The following NFATC1 variants were observed in gnomAD, a reference collection of about 807,000 sequenced individuals.
NFATC1 encodes nuclear factor of activated T-cells, cytoplasmic 1.
A neutral mutation model predicts 76.0 loss-of-function variants in NFATC1; 22 were observed. That is an observed-to-expected ratio of 0.29 (90% CI 0.21 to 0.41). NFATC1 has a LOEUF of 0.41. NFATC1 is among the 10% of genes least tolerant of loss of function. The probability of loss-of-function intolerance (pLI) is 1.00; values close to 1 mark genes in which losing one functional copy is unlikely to be tolerated. For missense variants in NFATC1, 1,357 were observed against 1,337.7 expected (o/e 1.01, Z -0.23); for synonymous variants, 704 against 613.1 (o/e 1.15, Z -2.19).
intron 7 of NFATC1, among the ~76,000 whole-genome samples, chr18:79,464,741 T>C (rs1384081943): frequency 6.8e-6 from 1 of 147,302 alleles, no homozygotes; most frequent in Non-Finnish European, 1.5e-5. Context: ...GGTCTTGCTG[T>C]GTCATCCAGG....
chr18:79,431,153 G>A (rs1469561922), intron 2 of NFATC1, among the ~76,000 whole-genome samples: 1 of 152,240 alleles, frequency 6.6e-6, no homozygotes, highest in Non-Finnish European at 1.5e-5. Flanking sequence ...GGTGGGTGGT[G>A]AGCCTGCCAG....
intron 8 of NFATC1, among the ~76,000 whole-genome samples, chr18:79,472,659 A>C: frequency 1.3e-5 from 2 of 149,536 alleles, no homozygotes. Flanking sequence ...CACCCCACAC[A>C]CTTGGAGACA....
At chr18:79,504,359 C>T (rs1156387011) in intron 9 of NFATC1, among the ~76,000 whole-genome samples, 1 of 152,146 alleles carries the variant, frequency 6.6e-6, no homozygotes, top group South Asian at 2.1e-4. Context: ...GGCCTAATGT[C>T]AGTATGGTTG....
At chr18:79,463,286 C>T (rs892949006) in intron 7 of NFATC1, among the ~76,000 whole-genome samples, 1 of 152,222 alleles carries the variant, frequency 6.6e-6, no homozygotes, top group African/African-American at 2.4e-5. Context: ...AAGCTGGAGG[C>T]CCCAGGGCAG....
chr18:79,403,389 G>T (rs2085330876), intron 1 of NFATC1, among the ~76,000 whole-genome samples: 1 of 152,258 alleles, frequency 6.6e-6, no homozygotes, highest in South Asian at 2.1e-4. Context: ...TGGGCTTCCA[G>T]GGTCTGGCTT....
intron 8 of NFATC1, among the ~76,000 whole-genome samples, chr18:79,472,585 T>C (rs2088830775): frequency 6.6e-6 from 1 of 152,198 alleles, no homozygotes. Flanking sequence ...TTCGCTGCCA[T>C]TGGCCAAAAG....
intron 1 of NFATC1, among the ~76,000 whole-genome samples, chr18:79,399,222 A>T (rs1372184233): frequency 6.6e-6 from 1 of 152,238 alleles, no homozygotes; most frequent in East Asian, 1.9e-4. Flanking sequence ...ATTATTAGAA[A>T]CTAAATCAGG....
chr18:79,436,709 A>AAG (rs1366676439), intron 3 of NFATC1, among the ~76,000 whole-genome samples: 1 of 152,014 alleles, frequency 6.6e-6, no homozygotes, highest in Non-Finnish European at 1.5e-5. Context: ...GCTCGCTCTT[A>AAG]CTTGTGGGTG....
intron 8 of NFATC1, among the ~76,000 whole-genome samples, chr18:79,485,436 C>T (rs2089465169): frequency 6.6e-6 from 1 of 152,266 alleles, no homozygotes; most frequent in South Asian, 2.1e-4. Context: ...CCTCGCCGCT[C>T]CTGCTGACTG....
In NFATC1 at chr18:79,396,300, AC is replaced by A; in HGVS notation, c.77del (p.Thr26IlefsTer12). On this transcript the variant is annotated frameshift_variant, in exon 1 of 10. Transcript: ENST00000427363. LOFTEE classifies it high-confidence loss of function. Reference sequence around the variant, plus strand: ...GGCTGCGGTCTTCGGGAGAGGAGAAACTTTGGGGCCCGCGCCGCGCGCCGGC... The same window carrying A: ...GGCTGCGGTCTTCGGGAGAGGAGAAATTTGGGGCCCGCGCCGCGCGCCGGC... Reference protein sequence around the residue: ...PAAAVFGRGETLGPAPRAGGT... With the variant: ...PAAAVFGRGEXLGPAPRAGGT... The A allele has an allele frequency of 6.9e-7, 1 of 1,439,586 alleles. No homozygotes were observed. Among genetic ancestry groups the A allele is most frequent in the South Asian group, 1.4e-5 (1 of 74,054 alleles). The allele number at this position is 1,439,586 out of a possible 1,614,324, so 89.2% of individuals were successfully genotyped here.
At position 79,448,832 on chromosome 18, in the gene NFATC1, G is replaced by C. The variant is rs762108405; in HGVS notation, c.1437G>C (p.Gly479=). The C allele has an allele frequency of 4.3e-6, 7 of 1,613,892 alleles. No homozygotes were observed. The highest frequency in any genetic ancestry group is 5.1e-6 in the Non-Finnish European group (6 of 1,180,036). ...NEPLMLQLFI[G]TADDRLLRPH... is the part of the protein sequence containing the mutation. ...CGCTGATGCTGCAGCTTTTCATTGG[G>C]ACGGCGGACGACCGCCTGCTGCGCC... Residue 479 remains glycine (G), a synonymous_variant, in exon 4 of 10, where the codon GGG becomes GGC. Coordinates refer to ENST00000427363, the MANE Select transcript of NFATC1 (RefSeq NM_001278669.2).
intron 1 of NFATC1, among the ~76,000 whole-genome samples, chr18:79,397,899 G>A (rs377714258): frequency 6.6e-6 from 1 of 152,322 alleles, no homozygotes; most frequent in East Asian, 1.9e-4. Context: ...GCCGGGCAGC[G>A]ACGCCCGACC....
At chr18:79,435,262 G>A (rs2086730565) in intron 3 of NFATC1, among the ~76,000 whole-genome samples, 1 of 152,202 alleles carries the variant, frequency 6.6e-6, no homozygotes, top group Non-Finnish European at 1.5e-5. Flanking sequence ...GCGGGTGTAG[G>A]AATCGAGGCT....
rs908608436 is a variant in NFATC1, at chr18:79,461,447, C to T, written c.1959+81C>T. On this transcript the variant is annotated intron_variant, in intron 7 of 9. Coordinates refer to ENST00000427363, the MANE Select transcript of NFATC1 (RefSeq NM_001278669.2). ...GGGGTCTGCTGGAGCCACTGCGGGT[C>T]CCCAGGCCTTGGGAGGCTGGGGTTC... 13 of 1,446,920 alleles carry T rather than the reference C, an allele frequency of 9.0e-6. No individual in the cohort carries two copies. The African/African-American group carries it at 1.5e-4, about 17-fold the overall frequency. The allele number at this position is 1,446,920 out of a possible 1,614,324, so 89.6% of individuals were successfully genotyped here.
intron 6 of NFATC1, among the ~76,000 whole-genome samples, chr18:79,460,756 C>T (rs1017935374): frequency 2.0e-5 from 3 of 152,324 alleles, no homozygotes; most frequent in East Asian, 1.9e-4. Flanking sequence ...CACGAGCAGG[C>T]GTCGCACCCT....
intron 2 of NFATC1, among the ~76,000 whole-genome samples, chr18:79,426,907 T>G (rs1406260191): frequency 6.6e-6 from 1 of 152,244 alleles, no homozygotes; most frequent in East Asian, 1.9e-4. Flanking sequence ...CCTAGGACCT[T>G]CTTAACTCTC....
At chr18:79,520,788 G>A (rs1168327251) in intron 9 of NFATC1, among the ~76,000 whole-genome samples, 2 of 66,340 alleles carry the variant, frequency 3.0e-5, no homozygotes, top group Non-Finnish European at 5.8e-5. Flanking sequence ...TGTGTGTGTG[G>A]GGGGGCATCC....
chr18:79,452,722 C>T (rs1363224763), intron 6 of NFATC1, among the ~76,000 whole-genome samples: 11 of 152,228 alleles, frequency 7.2e-5, no homozygotes, highest in African/African-American at 2.7e-4. Context: ...GTGGGCCTGG[C>T]TCTCCGCAAA....
intron 1 of NFATC1, among the ~76,000 whole-genome samples, chr18:79,401,421 G>C (rs1253743433): frequency 6.6e-6 from 1 of 152,118 alleles, no homozygotes; most frequent in Non-Finnish European, 1.5e-5. Context: ...TGTGCTGCCT[G>C]CGGTTCTCGA....
Sources: allele counts gnomAD v4.1 joint callset (sites outside exome capture counted in the v4.1 genomes callset), GRCh38; gene constraint gnomAD v4.1.1; transcripts MANE v1.5; gene names NCBI Gene and HGNC (gene_info 2026-07-23, HGNC 2026-07-21).